RABGAP1L: variants seen among roughly 807,000 people sequenced by gnomAD.
RABGAP1L encodes rab GTPase-activating protein 1-like.
Under a neutral mutation model 137.7 loss-of-function variants are expected in RABGAP1L, and 63 were observed. The observed-to-expected ratio is 0.46, with a 90% CI of 0.37 to 0.56. RABGAP1L has a LOEUF of 0.56. Among genes scored for constraint, RABGAP1L ranks in the 20% least tolerant of loss-of-function variants. RABGAP1L has a pLI of 0.00. For synonymous variants in RABGAP1L, 431 were observed against 433.7 expected (o/e 0.99, Z 0.08); for missense variants, 1,095 against 1,244.0 (o/e 0.88, Z 1.80).
intron 21 of RABGAP1L, among the ~76,000 whole-genome samples, chr1:174,975,315 T>C (rs114335416): frequency 6.6e-6 from 1 of 152,176 alleles, no homozygotes; most frequent in African/African-American, 2.4e-5. Context: ...TAGATGAGGG[T>C]GAGTGGGCCA....
intron 13 of RABGAP1L, among the ~76,000 whole-genome samples, chr1:174,599,134 C>G (rs1316476426): frequency 6.6e-6 from 1 of 152,120 alleles, no homozygotes; most frequent in Non-Finnish European, 1.5e-5. Context: ...ACAAGGCTTG[C>G]AAATAACATT....
intron 13 of RABGAP1L, among the ~76,000 whole-genome samples, chr1:174,567,005 A>G (rs369418927): frequency 7.2e-5 from 11 of 152,274 alleles, no homozygotes; most frequent in East Asian, 5.8e-4. Flanking sequence ...ATTTATCATT[A>G]TACTCTGTGT....
In RABGAP1L at chr1:174,988,539, T is replaced by G. The variant is rs1671804653; in HGVS notation, c.2806-102T>G. The G allele has an allele frequency of 2.8e-6, 3 of 1,056,014 alleles. No individual in the cohort carries two copies. In the South Asian group the frequency reaches 6.5e-5, roughly 23 times the overall value. 65.4% of individuals were successfully genotyped at this position (1,056,014 alleles called of 1,614,324 possible). A position where few individuals can be genotyped will look rare whatever the true frequency, so the allele number is the denominator to read the frequency against. ...ATTAACCTTCAGAAATGGGCCTGCA[T>G]CTATGACAATAAGCAGCATCTAAAA... On this transcript the variant is annotated intron_variant, in intron 24 of 25. Coordinates refer to ENST00000681986, the MANE Select transcript of RABGAP1L (RefSeq NM_001366446.1).
intron 13 of RABGAP1L, among the ~76,000 whole-genome samples, chr1:174,552,192 A>G (rs1186809021): frequency 6.6e-6 from 1 of 152,180 alleles, no homozygotes; most frequent in Non-Finnish European, 1.5e-5. Flanking sequence ...TTTAAGTTCA[A>G]GGGTACAAGT....
intron 13 of RABGAP1L, among the ~76,000 whole-genome samples, chr1:174,636,556 A>T (rs1278750899): frequency 6.6e-6 from 1 of 151,728 alleles, no homozygotes; most frequent in Non-Finnish European, 1.5e-5. Context: ...GATCATCTTA[A>T]TATAGTAGCC....
chr1:174,276,384 CA>C (rs1675005337), intron 9 of RABGAP1L, among the ~76,000 whole-genome samples: 1 of 152,048 alleles, frequency 6.6e-6, no homozygotes, highest in Non-Finnish European at 1.5e-5. Flanking sequence ...CCTTTGACCT[CA>C]ACTGATCTTC....
intron 12 of RABGAP1L, among the ~76,000 whole-genome samples, chr1:174,376,049 G>C (rs1176988692): frequency 6.6e-6 from 1 of 151,682 alleles, no homozygotes; most frequent in Non-Finnish European, 1.5e-5. Context: ...GCCAGTGACA[G>C]AGCAAGACTC....
intron 11 of RABGAP1L, chr1:174,367,250 T>A (rs1222422838): frequency 6.6e-6 from 1 of 152,436 alleles, no homozygotes; most frequent in East Asian, 1.9e-4. Context: ...CCGTTGGAAC[T>A]TTCTTTACAT....
intron 13 of RABGAP1L, among the ~76,000 whole-genome samples, chr1:174,626,956 G>A (rs1433105933): frequency 1.3e-5 from 2 of 152,142 alleles, no homozygotes; most frequent in African/African-American, 4.8e-5. Flanking sequence ...AAAGTCTGAG[G>A]TCAAAGAGTT....
At chr1:174,394,693 C>T (rs935359437) in intron 13 of RABGAP1L, among the ~76,000 whole-genome samples, 19 of 152,078 alleles carry the variant, frequency 1.2e-4, no homozygotes, top group Admixed American at 1.2e-3. Flanking sequence ...ACTCACCACC[C>T]TAGGTCTTAC....
chr1:174,911,249 C>T (rs1445698662), intron 19 of RABGAP1L, among the ~76,000 whole-genome samples: 2 of 152,106 alleles, frequency 1.3e-5, no homozygotes, highest in Non-Finnish European at 2.9e-5. Context: ...TTTTCACTTT[C>T]AAGAAAGTGT....
intron 19 of RABGAP1L, among the ~76,000 whole-genome samples, chr1:174,875,964 A>G (rs1054112252): frequency 1.3e-5 from 2 of 152,180 alleles, no homozygotes; most frequent in Admixed American, 6.5e-5. Flanking sequence ...TTGTTTAAAT[A>G]AGCTTATTAG....
chr1:174,200,902 C>T (rs1668048344), intron 1 of RABGAP1L, among the ~76,000 whole-genome samples: 1 of 152,070 alleles, frequency 6.6e-6, no homozygotes, highest in Non-Finnish European at 1.5e-5. Flanking sequence ...CAATGTGTCC[C>T]CGTTTGGTTT....
intron 13 of RABGAP1L, among the ~76,000 whole-genome samples, chr1:174,520,502 A>G (rs1401975124): frequency 1.3e-5 from 2 of 152,210 alleles, no homozygotes; most frequent in Non-Finnish European, 2.9e-5. Flanking sequence ...CTTTCTCACT[A>G]ATCATTTCTT....
chr1:174,428,314 A>G (rs79734452), intron 13 of RABGAP1L, among the ~76,000 whole-genome samples: 3,292 of 152,264 alleles, frequency 0.022, 58 homozygotes, highest in Non-Finnish European at 0.033. Flanking sequence ...GGAGCTGACA[A>G]TGCAGTGTAT....
chr1:174,886,658 C>T (rs748250804), intron 19 of RABGAP1L, among the ~76,000 whole-genome samples: 4 of 152,128 alleles, frequency 2.6e-5, no homozygotes, highest in Non-Finnish European at 4.4e-5. Context: ...TTGTTTGCTT[C>T]GGAATTCTGA....
intron 13 of RABGAP1L, among the ~76,000 whole-genome samples, chr1:174,434,545 G>A (rs1341064144): frequency 6.6e-6 from 1 of 152,120 alleles, no homozygotes; most frequent in African/African-American, 2.4e-5. Context: ...ATTCCAAACT[G>A]TTTGTCAAAG....
At chr1:174,705,451 G>C (rs1236793255) in intron 17 of RABGAP1L, 1 of 152,152 alleles carries the variant, frequency 6.6e-6, no homozygotes, top group East Asian at 1.9e-4. Flanking sequence ...TGTTTGAAAG[G>C]TCATAATGTT....
At chr1:174,223,800 A>AT (rs1438962571) in intron 3 of RABGAP1L, among the ~76,000 whole-genome samples, 1 of 152,192 alleles carries the variant, frequency 6.6e-6, no homozygotes, top group Non-Finnish European at 1.5e-5. Flanking sequence ...TAAAAAGAAT[A>AT]TTATGTATTA....
Sources: gnomAD v4.1 joint callset for allele counts (sites outside exome capture counted in the v4.1 genomes callset) on GRCh38, gnomAD v4.1.1 for gene constraint, MANE v1.5 for transcripts, NCBI Gene and HGNC (gene_info 2026-07-23, HGNC 2026-07-21) for gene names.